The following ANKH variants were observed in gnomAD, a reference collection of about 807,000 sequenced individuals.
The protein encoded by ANKH is mineralization regulator ANKH.
A neutral mutation model predicts 49.0 loss-of-function variants in ANKH; 15 were observed. The ratio of observed to expected loss-of-function variants is 0.31; its 90% CI spans 0.20 to 0.47. The LOEUF (loss-of-function observed/expected upper bound fraction) is 0.47, where lower values mean the gene tolerates loss of function less well. Among genes scored for constraint, ANKH ranks in the 20% least tolerant of loss-of-function variants. The pLI is 1.00. For missense variants in ANKH, 429 were observed against 652.0 expected (o/e 0.66, Z 3.72); for synonymous variants, 273 against 260.0 (o/e 1.05, Z -0.48).
At chr5:14,848,988 C>T (rs1742048263) in intron 1 of ANKH, among the ~76,000 whole-genome samples, 1 of 152,218 alleles carries the variant, frequency 6.6e-6, no homozygotes, top group Non-Finnish European at 1.5e-5. Context: ...ACTCTCTTTA[C>T]TACCTGATTG....
intron 1 of ANKH, among the ~76,000 whole-genome samples, chr5:14,776,868 T>G (rs1739641045): frequency 6.6e-6 from 1 of 152,210 alleles, no homozygotes; most frequent in Non-Finnish European, 1.5e-5. Flanking sequence ...CCAACAACTG[T>G]GAATATGAAG....
intron 1 of ANKH, among the ~76,000 whole-genome samples, chr5:14,793,308 G>A (rs1271888120): frequency 6.6e-6 from 1 of 151,432 alleles, no homozygotes; most frequent in African/African-American, 2.4e-5. Context: ...GGCTGCTGAA[G>A]ACCCAGCGAG....
intron 1 of ANKH, among the ~76,000 whole-genome samples, chr5:14,793,738 A>C (rs959227068): frequency 6.6e-6 from 1 of 152,144 alleles, no homozygotes; most frequent in Non-Finnish European, 1.5e-5. Context: ...AGTGACACCT[A>C]ATGGCCCAGC....
intron 2 of ANKH, among the ~76,000 whole-genome samples, chr5:14,764,294 G>A (rs1029221160): frequency 6.6e-6 from 1 of 151,962 alleles, no homozygotes; most frequent in Admixed American, 6.6e-5. Context: ...TGGTGGGCCC[G>A]TTCTGATTCC....
chr5:14,715,041 TTC>T (rs1389879467), intron 9 of ANKH, among the ~76,000 whole-genome samples: 1 of 152,216 alleles, frequency 6.6e-6, no homozygotes, highest in Admixed American at 6.5e-5. Context: ...ATTTCTCCAT[TTC>T]TGTCACAGCC....
At chr5:14,751,710 AAAAC>A (rs1738726240) in intron 4 of ANKH, among the ~76,000 whole-genome samples, 1 of 125,242 alleles carries the variant, frequency 8.0e-6, no homozygotes, top group Non-Finnish European at 1.6e-5. Flanking sequence ...CAACAACAAA[AAAAC>A]AAACAAAAAA....
intron 1 of ANKH, among the ~76,000 whole-genome samples, chr5:14,846,973 G>A (rs928926387): frequency 4.2e-5 from 6 of 143,442 alleles, no homozygotes; most frequent in Admixed American, 7.5e-5. Context: ...ATGCCACTGC[G>A]GTCCAGCCTG....
intron 1 of ANKH, among the ~76,000 whole-genome samples, chr5:14,799,021 A>T (rs1367160625): frequency 1.3e-5 from 2 of 152,216 alleles, no homozygotes; most frequent in African/African-American, 4.8e-5. Flanking sequence ...AAAGTTCTTA[A>T]AGGAAATTAA....
At position 14,751,218 on chromosome 5, in the gene ANKH, G is replaced by A; in HGVS notation, c.538C>T (p.Leu180Phe). The change falls in exon 5 of 12, where the codon CTT becomes TTT. Residue 180 changes from leucine (L) to phenylalanine (F), a missense_variant. Coordinates refer to ENST00000284268, the MANE Select transcript of ANKH (RefSeq NM_054027.6). ...TCCCGGCATTCCAGGTGACTGTGAAGCAAAATGGCTACAAAAACAACCTGA... is the reference window on the plus strand; with the variant it reads ...TCCCGGCATTCCAGGTGACTGTGAAACAAAATGGCTACAAAAACAACCTGA... ...IAQVVFVAIL[L>F]HSHLECREPL... 1 of 1,614,180 alleles carries A rather than the reference G, an allele frequency of 6.2e-7. No homozygotes were observed. Among genetic ancestry groups the A allele is most frequent in the Non-Finnish European group, 8.5e-7 (1 of 1,180,028 alleles).
intron 2 of ANKH, among the ~76,000 whole-genome samples, chr5:14,763,154 G>T (rs1739143815): frequency 6.6e-6 from 1 of 152,176 alleles, no homozygotes; most frequent in Non-Finnish European, 1.5e-5. Flanking sequence ...ACCGAAATAA[G>T]TCTACACACA....
intron 1 of ANKH, among the ~76,000 whole-genome samples, chr5:14,842,160 A>G (rs900129665): frequency 3.3e-5 from 5 of 152,228 alleles, no homozygotes; most frequent in Non-Finnish European, 5.9e-5. Context: ...CCACCATTTC[A>G]GCCTGCTGTA....
rs1363644611 is a variant in ANKH at position 14,822,535 on chromosome 5, A to G, written c.96+48817T>C. ...GCCCATCTGCTCAAATAAGGATTCA[A>G]TTCTGTTATGTAATCATTTTATTGT... On this transcript the variant is annotated intron_variant, in intron 1 of 11. Transcript: ENST00000284268. Among the ~76,000 whole-genome samples, 4 of 152,188 alleles carry G rather than the reference A, an allele frequency of 2.6e-5. No homozygotes were observed. The East Asian group carries it at 7.7e-4, about 29-fold the overall frequency.
intron 1 of ANKH, among the ~76,000 whole-genome samples, chr5:14,864,760 G>A (rs1580125668): frequency 6.6e-6 from 1 of 152,312 alleles, no homozygotes; most frequent in East Asian, 1.9e-4. Flanking sequence ...ATTACAGCAT[G>A]CTCTCATAAC....
At chr5:14,866,986 G>A (rs780136329) in intron 1 of ANKH, among the ~76,000 whole-genome samples, 3 of 151,782 alleles carry the variant, frequency 2.0e-5, no homozygotes, top group South Asian at 2.1e-4. Flanking sequence ...GTGAAACCCC[G>A]TCTCTACAAA....
At chr5:14,786,460 T>C (rs1386645448) in intron 1 of ANKH, among the ~76,000 whole-genome samples, 1 of 152,072 alleles carries the variant, frequency 6.6e-6, no homozygotes, top group African/African-American at 2.4e-5. Flanking sequence ...TAACTCCACA[T>C]AGGAGAAAAA....
At chr5:14,742,692 C>T (rs187021826) in intron 7 of ANKH, among the ~76,000 whole-genome samples, 39 of 152,330 alleles carry the variant, frequency 2.6e-4, no homozygotes, top group South Asian at 1.2e-3. Context: ...GCTGAGATAA[C>T]GCCCTGCGTG....
intron 1 of ANKH, among the ~76,000 whole-genome samples, chr5:14,776,404 CAGA>C (rs1739622975): frequency 6.6e-6 from 1 of 152,024 alleles, no homozygotes; most frequent in African/African-American, 2.4e-5. Context: ...CATTGGCCTA[CAGA>C]TAGAATTTAA....
chr5:14,766,150 G>C (rs1301380065), intron 2 of ANKH, among the ~76,000 whole-genome samples: 1 of 152,072 alleles, frequency 6.6e-6, no homozygotes, highest in East Asian at 1.9e-4. Context: ...CCAGCACTTT[G>C]GGAGGCTCAG....
At chr5:14,793,892 A>C (rs1356460930) in intron 1 of ANKH, among the ~76,000 whole-genome samples, 2 of 152,222 alleles carry the variant, frequency 1.3e-5, no homozygotes, top group Non-Finnish European at 2.9e-5. Context: ...TTGAACAATG[A>C]ATGGGGCGAC....
Sources: gnomAD v4.1 joint callset for allele counts (sites outside exome capture counted in the v4.1 genomes callset) on GRCh38, gnomAD v4.1.1 for gene constraint, MANE v1.5 for transcripts, NCBI Gene and HGNC (gene_info 2026-07-23, HGNC 2026-07-21) for gene names.